Variants in AK5 observed in about 807,000 individuals in gnomAD.
AK5 encodes adenylate kinase isoenzyme 5.
A neutral mutation model predicts 69.5 loss-of-function variants in AK5; 27 were observed. The ratio of observed to expected loss-of-function variants is 0.39; its 90% CI spans 0.29 to 0.54. The LOEUF (loss-of-function observed/expected upper bound fraction) is 0.54. AK5 is among the 20% of genes least tolerant of loss of function. The pLI, the probability that AK5 is intolerant of heterozygous loss-of-function variation, is 0.71. For missense variants in AK5, 531 were observed against 700.4 expected (o/e 0.76, Z 2.73); for synonymous variants, 260 against 244.4 (o/e 1.06, Z -0.60).
intron 1 of AK5, among the ~76,000 whole-genome samples, chr1:77,284,911 A>G (rs1326872211): frequency 6.6e-6 from 1 of 152,182 alleles, no homozygotes; most frequent in Non-Finnish European, 1.5e-5. Context: ...TTCAGAAAAG[A>G]GTCATTGAGA....
intron 6 of AK5, among the ~76,000 whole-genome samples, chr1:77,379,729 C>A (rs1011263349): frequency 2.0e-5 from 3 of 152,182 alleles, no homozygotes; most frequent in Non-Finnish European, 4.4e-5. Flanking sequence ...ATGTAAGGAA[C>A]AGAAACAAGA....
At chr1:77,317,760 A>G (rs1660316719) in intron 5 of AK5, among the ~76,000 whole-genome samples, 1 of 152,150 alleles carries the variant, frequency 6.6e-6, no homozygotes, top group Non-Finnish European at 1.5e-5. Context: ...TTGTCCACAA[A>G]TATGTTTCTC....
chr1:77,382,050 G>T (rs1014804295), intron 6 of AK5, among the ~76,000 whole-genome samples: 1 of 152,058 alleles, frequency 6.6e-6, no homozygotes. Context: ...GGAGATCTCG[G>T]ACAACCATTT....
At chr1:77,341,493 A>T (rs1349343040) in intron 6 of AK5, among the ~76,000 whole-genome samples, 1 of 152,156 alleles carries the variant, frequency 6.6e-6, no homozygotes, top group Non-Finnish European at 1.5e-5. Context: ...AATCAAAGCG[A>T]TGCATGCCCA....
At chr1:77,287,472 T>C (rs1243423207) in intron 2 of AK5, among the ~76,000 whole-genome samples, 1 of 152,254 alleles carries the variant, frequency 6.6e-6, no homozygotes, top group Non-Finnish European at 1.5e-5. Context: ...GTATAATTGA[T>C]AGTTATTACA....
At chr1:77,544,997 T>G (rs1406529681) in intron 13 of AK5, among the ~76,000 whole-genome samples, 1 of 152,232 alleles carries the variant, frequency 6.6e-6, no homozygotes, top group Admixed American at 6.5e-5. Context: ...GACATTGTGA[T>G]GGCTACCACA....
intron 5 of AK5, among the ~76,000 whole-genome samples, chr1:77,339,688 C>G (rs970274453): frequency 1.4e-5 from 2 of 147,622 alleles, no homozygotes; most frequent in East Asian, 4.0e-4. Context: ...CTCTGTCACC[C>G]AGGCTGGAGT....
chr1:77,452,814 A>G (rs1201136386), intron 8 of AK5, among the ~76,000 whole-genome samples: 1 of 152,218 alleles, frequency 6.6e-6, no homozygotes, highest in African/African-American at 2.4e-5. Flanking sequence ...TGTAATTTCC[A>G]AGCACACATG....
intron 6 of AK5, among the ~76,000 whole-genome samples, chr1:77,372,474 G>A (rs1314637303): frequency 6.6e-6 from 1 of 152,064 alleles, no homozygotes. Flanking sequence ...AACAAACTAG[G>A]CTTGTGGTTA....
At chr1:77,337,727 A>G (rs953489641) in intron 5 of AK5, among the ~76,000 whole-genome samples, 2 of 152,214 alleles carry the variant, frequency 1.3e-5, no homozygotes, top group Non-Finnish European at 2.9e-5. Flanking sequence ...AAATTGGGAA[A>G]TACTAACTTC....
intron 10 of AK5, among the ~76,000 whole-genome samples, chr1:77,513,881 C>T (rs1268418208): frequency 1.3e-5 from 2 of 152,174 alleles, no homozygotes; most frequent in East Asian, 1.9e-4. Flanking sequence ...AAACGTGACC[C>T]ACGTGGGCAT....
chr1:77,540,037 T>C (rs1212799865), intron 13 of AK5, among the ~76,000 whole-genome samples: 1 of 152,226 alleles, frequency 6.6e-6, no homozygotes, highest in Admixed American at 6.5e-5. Context: ...CTCAGGCCTC[T>C]ACCCAGCAAT....
chr1:77,494,407 A>G (rs916573276), intron 10 of AK5, among the ~76,000 whole-genome samples: 1 of 152,194 alleles, frequency 6.6e-6, no homozygotes, highest in Non-Finnish European at 1.5e-5. Context: ...AGGGGGCAGT[A>G]GCAGATGCTG....
chr1:77,291,435 C>T (rs964472657), intron 2 of AK5, among the ~76,000 whole-genome samples: 7 of 152,116 alleles, frequency 4.6e-5, no homozygotes, highest in African/African-American at 1.7e-4. Flanking sequence ...TTCATTCTAA[C>T]TAGCAGATTA....
chr1:77,399,727 G>A (rs1478376201), intron 6 of AK5, among the ~76,000 whole-genome samples: 1 of 152,208 alleles, frequency 6.6e-6, no homozygotes, highest in African/African-American at 2.4e-5. Context: ...TCCTGAGGGA[G>A]ACCGAATAGT....
At chr1:77,364,324 A>G (rs369093894) in intron 6 of AK5, among the ~76,000 whole-genome samples, 1 of 152,210 alleles carries the variant, frequency 6.6e-6, no homozygotes, top group Non-Finnish European at 1.5e-5. Flanking sequence ...TGATCAGATC[A>G]GGGTAATTGG....
At chr1:77,416,436 CA>C (rs1485687397) in intron 7 of AK5, among the ~76,000 whole-genome samples, 1 of 152,102 alleles carries the variant, frequency 6.6e-6, no homozygotes, top group African/African-American at 2.4e-5. Context: ...ATTACTTTTC[CA>C]AAATGGTTTG....
chr1:77,367,579 A>ATATGTAT lies in AK5; in HGVS notation c.891+27011_891+27012insTATGTAT, dbSNP rs71075732. ...TTTTTATATATATATATATATATAT[A>ATATGTAT]ATATATATGTTATATATGTAATATA... On this transcript the variant is annotated intron_variant, in intron 6 of 13. Coordinates refer to ENST00000354567, the MANE Select transcript of AK5 (RefSeq NM_174858.3). Among the ~76,000 whole-genome samples the ATATGTAT allele has an allele frequency of 1.6e-3, 84 of 53,396 alleles. 10 individuals are homozygous for ATATGTAT. Among genetic ancestry groups the ATATGTAT allele is most frequent in the African/African-American group, 7.3e-3 (69 of 9,436 alleles). 35.0% of individuals were successfully genotyped at this position (53,396 alleles called of 152,430 possible).
intron 12 of AK5, among the ~76,000 whole-genome samples, chr1:77,527,010 A>G (rs2803136): frequency 0.7 from 106,331 of 151,892 alleles, 37,779 homozygotes; most frequent in Non-Finnish European, 0.77. Context: ...AGCAATGACA[A>G]CCCTGGACCT....
Sources: gnomAD v4.1 joint callset for allele counts (sites outside exome capture counted in the v4.1 genomes callset) on GRCh38, gnomAD v4.1.1 for gene constraint, MANE v1.5 for transcripts, NCBI Gene and HGNC (gene_info 2026-07-23, HGNC 2026-07-21) for gene names.